DPP10: variants seen among roughly 807,000 people sequenced by gnomAD.
DPP10 encodes the protein dipeptidyl peptidase like 10.
In DPP10, 33 loss-of-function variants were observed where a neutral mutation model predicts 120.9. The ratio of observed to expected loss-of-function variants is 0.27; its 90% CI spans 0.21 to 0.37. The LOEUF (loss-of-function observed/expected upper bound fraction) is 0.37. DPP10 is among the 10% of genes least tolerant of loss of function. The pLI, the probability that DPP10 is intolerant of heterozygous loss-of-function variation, is 1.00. For synonymous variants in DPP10, 337 were observed against 326.1 expected, an observed-to-expected ratio of 1.03 and a Z score of -0.36; for missense variants, 816 against 942.8, an observed-to-expected ratio of 0.87 and a Z score of 1.76.
At chr2:115,503,065 C>T (rs1220599067) in intron 4 of DPP10, among the ~76,000 whole-genome samples, 3 of 152,014 alleles carry the variant, frequency 2.0e-5, no homozygotes, top group African/African-American at 7.2e-5. Flanking sequence ...AGACTCTAAT[C>T]TGAAATCTCT....
intron 1 of DPP10, among the ~76,000 whole-genome samples, chr2:114,920,315 A>G (rs1695109870): frequency 6.6e-6 from 1 of 152,212 alleles, no homozygotes; most frequent in African/African-American, 2.4e-5. Flanking sequence ...CTAAGGAAGA[A>G]TGTATAAGGC....
intron 21 of DPP10, among the ~76,000 whole-genome samples, chr2:115,820,160 CA>C (rs1312490395): frequency 1.3e-5 from 2 of 151,992 alleles, no homozygotes; most frequent in East Asian, 3.9e-4. Flanking sequence ...ATTTTTATGT[CA>C]AATTGAATGA....
intron 1 of DPP10, among the ~76,000 whole-genome samples, chr2:114,971,983 T>A (rs1699430485): frequency 6.6e-6 from 1 of 152,316 alleles, no homozygotes; most frequent in East Asian, 1.9e-4. Flanking sequence ...TGTGTCATCC[T>A]TTATAGTAGC....
intron 1 of DPP10, among the ~76,000 whole-genome samples, chr2:114,902,022 A>C (rs994386758): frequency 1.3e-5 from 2 of 152,184 alleles, no homozygotes; most frequent in African/African-American, 4.8e-5. Context: ...TCTGCTTATC[A>C]TGAGAGTTCT....
At chr2:115,783,736 A>T (rs1470454648) in intron 17 of DPP10, among the ~76,000 whole-genome samples, 2 of 152,202 alleles carry the variant, frequency 1.3e-5, no homozygotes, top group East Asian at 3.9e-4. Context: ...TAATGACCAT[A>T]GACAGTACGG....
chr2:114,931,988 A>C (rs1696103380), intron 1 of DPP10, among the ~76,000 whole-genome samples: 1 of 152,240 alleles, frequency 6.6e-6, no homozygotes, highest in Admixed American at 6.5e-5. Flanking sequence ...TAAATCTGAC[A>C]ACCTTAGAGT....
chr2:114,924,805 C>A (rs1695481517), intron 1 of DPP10, among the ~76,000 whole-genome samples: 1 of 151,848 alleles, frequency 6.6e-6, no homozygotes, highest in South Asian at 2.1e-4. Context: ...AAACAAAAAA[C>A]AAAAACAAAA....
chr2:115,248,678 A>T (rs1455093443), intron 1 of DPP10, among the ~76,000 whole-genome samples: 1 of 152,144 alleles, frequency 6.6e-6, no homozygotes, highest in Non-Finnish European at 1.5e-5. Context: ...CTGATAATGG[A>T]AAGGAAGAGT....
At chr2:115,837,750 A>G (rs1689679967) in intron 24 of DPP10, among the ~76,000 whole-genome samples, 1 of 152,104 alleles carries the variant, frequency 6.6e-6, no homozygotes, top group Non-Finnish European at 1.5e-5. Flanking sequence ...ACATAACACC[A>G]GTCTAACCAT....
chr2:115,540,129 C>T (rs182310150), intron 5 of DPP10, among the ~76,000 whole-genome samples: 2 of 151,726 alleles, frequency 1.3e-5, no homozygotes, highest in African/African-American at 4.8e-5. Context: ...TTTAAAAGAC[C>T]TTGGCCAGAA....
intron 1 of DPP10, among the ~76,000 whole-genome samples, chr2:114,514,019 A>G (rs13419950): frequency 0.02 from 3,055 of 152,298 alleles, 106 homozygotes; most frequent in African/African-American, 0.07. Flanking sequence ...GGTTTGTGTT[A>G]TCCAAGGCAT....
Position 115,379,743 on chromosome 2 carries a change from G to C in DPP10, c.271+35831G>C, listed in dbSNP as rs573254092. Among the ~76,000 whole-genome samples the C allele has an allele frequency of 1.5e-3, 230 of 152,084 alleles. 1 individual carries two copies. The highest frequency in any genetic ancestry group is 5.3e-3 in the African/African-American group (220 of 41,468). On this transcript the variant is annotated intron_variant, in intron 3 of 25. Coordinates refer to ENST00000410059, the MANE Select transcript of DPP10 (RefSeq NM_020868.6). The stretch of plus-strand genomic sequence containing the variant: ...CTTTGAATGCGTCCCAGAGATTCTG[G>C]TATGTTGTGTATTTGTTCTCGTTGG...
chr2:115,393,978 A>G (rs905519895), intron 3 of DPP10, among the ~76,000 whole-genome samples: 11 of 152,214 alleles, frequency 7.2e-5, no homozygotes, highest in African/African-American at 1.4e-4. Context: ...TGAGGTCATT[A>G]TATAGGGGAG....
At chr2:115,753,418 G>A in intron 11 of DPP10, 121 bp downstream of exon 11, 1 of 900,264 alleles carries the variant, frequency 1.1e-6, no homozygotes, top group Non-Finnish European at 1.6e-6. Flanking sequence ...AAACTAATAG[G>A]AAAAGAATTA....
chr2:115,661,295 C>T (rs1419385984), intron 5 of DPP10, among the ~76,000 whole-genome samples: 1 of 152,056 alleles, frequency 6.6e-6, no homozygotes, highest in Non-Finnish European at 1.5e-5. Context: ...ATTGGTTTCC[C>T]ATCATCTTTG....
intron 1 of DPP10, among the ~76,000 whole-genome samples, chr2:114,973,840 C>A (rs1048384694): frequency 6.6e-6 from 1 of 151,854 alleles, no homozygotes; most frequent in Non-Finnish European, 1.5e-5. Flanking sequence ...ATGATCCTGA[C>A]CCTACGGAGG....
chr2:115,138,810 G>T (rs991815155), intron 1 of DPP10, among the ~76,000 whole-genome samples: 1 of 151,962 alleles, frequency 6.6e-6, no homozygotes, highest in Non-Finnish European at 1.5e-5. Context: ...CAGAATACTC[G>T]ATCAATATCT....
Position 115,134,404 on chromosome 2 carries a change from C to T in DPP10, c.61-174835C>T, listed in dbSNP as rs115028650. Among the ~76,000 whole-genome samples, 662 of 152,140 alleles carry T rather than the reference C, an allele frequency of 4.4e-3. 4 individuals carry two copies. Among genetic ancestry groups the T allele is most frequent in the African/African-American group, 0.015 (639 of 41,494 alleles). Reference sequence around the variant, plus strand: ...ATGAAGTGGCTGACTGGATGGTGCACGTCGTAGACTGCCTAATGTTGATAT... The same window carrying T: ...ATGAAGTGGCTGACTGGATGGTGCATGTCGTAGACTGCCTAATGTTGATAT... On this transcript the variant is annotated intron_variant, in intron 1 of 25. Coordinates refer to ENST00000410059, the MANE Select transcript of DPP10 (RefSeq NM_020868.6).
Position 115,007,490 on chromosome 2 carries a change from G to A in DPP10, c.61-301749G>A, listed in dbSNP as rs542939620. The stretch of plus-strand genomic sequence containing the variant: ...ATATCATACTGAATGGGCAAAAACT[G>A]GAAGCATTCCCTTTGAAAACTGGCA... On this transcript the variant is annotated intron_variant, in intron 1 of 25. Transcript: ENST00000410059. Among the ~76,000 whole-genome samples the A allele has an allele frequency of 1.5e-4, 23 of 151,760 alleles. No homozygotes were observed. In the South Asian group the frequency reaches 3.7e-3, roughly 25 times the overall value.
Sources: gnomAD v4.1 joint callset for allele counts (sites outside exome capture counted in the v4.1 genomes callset) on GRCh38, gnomAD v4.1.1 for gene constraint, MANE v1.5 for transcripts, NCBI Gene and HGNC (gene_info 2026-07-23, HGNC 2026-07-21) for gene names.